Variants in AIDA observed in about 807,000 individuals in gnomAD.
The protein encoded by AIDA is axin interactor, dorsalization-associated protein.
A neutral mutation model predicts 42.7 loss-of-function variants in AIDA; 18 were observed. The observed-to-expected ratio is 0.42, with a 90% CI of 0.29 to 0.63. AIDA has a LOEUF of 0.63. Ranked by LOEUF, AIDA falls within the 20% of genes least tolerant of loss-of-function variation. The probability of loss-of-function intolerance (pLI) is 0.19; values close to 1 mark genes in which losing one functional copy is unlikely to be tolerated. For missense variants in AIDA, 250 were observed against 354.1 expected (o/e 0.71, Z 2.36); for synonymous variants, 104 against 122.9 (o/e 0.85, Z 1.02).
At chr1:222,699,444 T>C (rs1209256339) in intron 2 of AIDA, among the ~76,000 whole-genome samples, 2 of 152,340 alleles carry the variant, frequency 1.3e-5, no homozygotes, top group South Asian at 2.1e-4. Flanking sequence ...CTGGACTCAA[T>C]GAAATGTTCT....
At chr1:222,679,290 C>G (rs1450678840) in intron 6 of AIDA, among the ~76,000 whole-genome samples, 1 of 151,964 alleles carries the variant, frequency 6.6e-6, no homozygotes, top group Non-Finnish European at 1.5e-5. Context: ...AGAATGAACA[C>G]ATTCAACTGT....
chr1:222,683,605 A>G (rs896418509), intron 6 of AIDA, among the ~76,000 whole-genome samples: 1 of 152,226 alleles, frequency 6.6e-6, no homozygotes, highest in African/African-American at 2.4e-5. Flanking sequence ...GGATCATGTT[A>G]CTTAGTAAGA....
chr1:222,711,704 C>T (rs770384701), intron 1 of AIDA: 113 of 153,310 alleles, frequency 7.4e-4, no homozygotes, highest in Admixed American at 1.7e-3. Context: ...TCCCCCCCAT[C>T]CCCTCAATCG....
chr1:222,712,017 C>T lies in AIDA; in HGVS notation c.110+191G>A, dbSNP rs909886128. The T allele has an allele frequency of 5.3e-6, 4 of 753,548 alleles. No individual in the cohort carries two copies. The Admixed American group carries it at 9.1e-5, about 17-fold the overall frequency. 46.7% of individuals were successfully genotyped at this position (753,548 alleles called of 1,614,324 possible). On this transcript the variant is annotated intron_variant, in intron 1 of 9. Transcript: ENST00000340020. The stretch of plus-strand genomic sequence containing the variant: ...GGAGAGGGAAGAAGGCGAGTCACCC[C>T]AGAGAGCGGAGCCGTTGTCCCTAGA...
At chr1:222,709,882 ATTGT>A (rs1333595636) in intron 1 of AIDA, among the ~76,000 whole-genome samples, 4 of 152,312 alleles carry the variant, frequency 2.6e-5, no homozygotes, top group Admixed American at 2.6e-4. Context: ...GAGTCATGAA[ATTGT>A]TTAAGCTACA....
intron 1 of AIDA, chr1:222,711,585 G>A (rs1426955084): frequency 6.6e-6 from 1 of 152,282 alleles, no homozygotes; most frequent in African/African-American, 2.4e-5. Flanking sequence ...CGAAATCGAG[G>A]TGGAATTCTG....
intron 6 of AIDA, among the ~76,000 whole-genome samples, chr1:222,677,444 A>C (rs1664570685): frequency 6.6e-6 from 1 of 152,084 alleles, no homozygotes; most frequent in African/African-American, 2.4e-5. Flanking sequence ...AGAACTTCTA[A>C]AGCACTGTTG....
chr1:222,677,525 T>C (rs1465492877), intron 6 of AIDA, among the ~76,000 whole-genome samples: 1 of 152,216 alleles, frequency 6.6e-6, no homozygotes, highest in Admixed American at 6.5e-5. Flanking sequence ...CATTTTATCA[T>C]TAAATATGAC....
chr1:222,685,050 G>C (rs569131424), intron 6 of AIDA, among the ~76,000 whole-genome samples: 1 of 152,180 alleles, frequency 6.6e-6, no homozygotes, highest in South Asian at 2.1e-4. Context: ...GAAAAATATA[G>C]CTCTATCTTC....
intron 1 of AIDA, among the ~76,000 whole-genome samples, chr1:222,707,607 T>C (rs545795381): frequency 5.3e-5 from 8 of 152,324 alleles, no homozygotes; most frequent in African/African-American, 1.9e-4. Context: ...AATGTTGACA[T>C]TCTATTAGGA....
At chr1:222,690,944 C>G (rs535604669) in intron 4 of AIDA, among the ~76,000 whole-genome samples, 10 of 152,272 alleles carry the variant, frequency 6.6e-5, no homozygotes, top group African/African-American at 2.4e-4. Flanking sequence ...GACAGAGAGT[C>G]TTTGCCCTCA....
intron 4 of AIDA, among the ~76,000 whole-genome samples, chr1:222,689,703 G>C (rs1456633000): frequency 6.6e-6 from 1 of 150,860 alleles, no homozygotes; most frequent in African/African-American, 2.4e-5. Context: ...AAAAGTTAAA[G>C]TTAATAAAGT....
intron 2 of AIDA, among the ~76,000 whole-genome samples, chr1:222,701,464 G>A (rs1655703299): frequency 6.6e-6 from 1 of 152,044 alleles, no homozygotes; most frequent in Admixed American, 6.6e-5. Context: ...CATTCTGATA[G>A]CTATTAATTT....
At chr1:222,711,554 T>A (rs1366773391) in intron 1 of AIDA, 1 of 152,116 alleles carries the variant, frequency 6.6e-6, no homozygotes, top group Admixed American at 6.5e-5. Context: ...GCCTACCAAA[T>A]AACAGTCCCA....
intron 6 of AIDA, among the ~76,000 whole-genome samples, chr1:222,685,225 C>A (rs1664722445): frequency 6.6e-6 from 1 of 152,164 alleles, no homozygotes; most frequent in Non-Finnish European, 1.5e-5. Flanking sequence ...CACTAATATT[C>A]AGCATATGAA....
intron 2 of AIDA, among the ~76,000 whole-genome samples, chr1:222,697,145 G>A (rs772274696): frequency 2.1e-4 from 32 of 151,704 alleles, no homozygotes; most frequent in Admixed American, 3.9e-4. Flanking sequence ...GTTTCACCAT[G>A]TTGGCCAGGC....
At chr1:222,695,922 A>G (rs1338211349) in intron 2 of AIDA, among the ~76,000 whole-genome samples, 1 of 151,372 alleles carries the variant, frequency 6.6e-6, no homozygotes, top group Non-Finnish European at 1.5e-5. Flanking sequence ...TAAGGAGCAA[A>G]TTGGAGTAAC....
At chr1:222,687,150 C>T in intron 5 of AIDA, 114 bp from the exon 6 acceptor site, 3 of 1,493,780 alleles carry the variant, frequency 2.0e-6, no homozygotes, top group Non-Finnish European at 2.7e-6. Flanking sequence ...TGCTGATAGG[C>T]CGGGTGTGGT....
intron 2 of AIDA, among the ~76,000 whole-genome samples, chr1:222,699,437 G>A (rs989611385): frequency 2.0e-5 from 3 of 152,086 alleles, no homozygotes; most frequent in African/African-American, 7.2e-5. Flanking sequence ...CAGAACACTG[G>A]ACTCAATGAA....
Sources: gnomAD v4.1 joint callset for allele counts (sites outside exome capture counted in the v4.1 genomes callset) on GRCh38, gnomAD v4.1.1 for gene constraint, MANE v1.5 for transcripts, NCBI Gene and HGNC (gene_info 2026-07-23, HGNC 2026-07-21) for gene names.